The following AGBL1 variants were observed in gnomAD, a reference collection of about 807,000 sequenced individuals.
The protein encoded by AGBL1 is cytosolic carboxypeptidase 4.
Under a neutral mutation model 118.9 loss-of-function variants are expected in AGBL1, and 130 were observed. The observed-to-expected ratio is 1.09, with a 90% CI of 0.95 to 1.26. The LOEUF is 1.26. Among genes scored for constraint, AGBL1 ranks in the 50% most tolerant of loss-of-function variants. AGBL1 has a pLI of 0.00. For missense variants in AGBL1, 1,584 were observed against 1,298.1 expected (o/e 1.22, Z -3.38); for synonymous variants, 555 against 478.9 (o/e 1.16, Z -2.08).
rs185795804 is a variant in AGBL1 at position 86,104,341 on chromosome 15, G to A, written c.51+24318G>A. ...CTGTGTCATGGCCCTGCTGTTGGGTGGGTTGCTTTTAGTGGCAGCAGCCAT... is the reference window on the plus strand; with the variant it reads ...CTGTGTCATGGCCCTGCTGTTGGGTAGGTTGCTTTTAGTGGCAGCAGCCAT... On this transcript the variant is annotated intron_variant, in intron 1 of 22. Coordinates refer to ENST00000614907, the MANE Select transcript of AGBL1 (RefSeq NM_001386094.1). Among the ~76,000 whole-genome samples, 16 of 152,248 alleles carry A rather than the reference G, an allele frequency of 1.1e-4. No individual in the cohort carries two copies. The East Asian group carries it at 3.1e-3, about 29-fold the overall frequency.
In AGBL1 at chr15:86,495,399, T is replaced by TAAA. The variant is rs144325939; in HGVS notation, c.2556-27403_2556-27401dup. The stretch of plus-strand genomic sequence containing the variant: ...TTTTTAAATACCTCTATCTTTTTTT[T>TAAA]AAAAAAAAAACCTTATAAAAGAAAT... On this transcript the variant is annotated intron_variant, in intron 18 of 22. Transcript: ENST00000614907. Among the ~76,000 whole-genome samples, 616 of 147,086 alleles carry TAAA rather than the reference T, an allele frequency of 4.2e-3. 3 individuals carry two copies. Among genetic ancestry groups the TAAA allele is most frequent in the African/African-American group, 0.014 (558 of 40,256 alleles).
At chr15:86,394,725 C>T (rs28674959) in intron 17 of AGBL1, among the ~76,000 whole-genome samples, 11,176 of 152,158 alleles carry the variant, frequency 0.073, 552 homozygotes, top group African/African-American at 0.13. Context: ...GAAGGTATCA[C>T]ATCTATGTGC....
chr15:86,109,016 A>G (rs1306975973), intron 1 of AGBL1, among the ~76,000 whole-genome samples: 2 of 152,184 alleles, frequency 1.3e-5, no homozygotes, highest in Non-Finnish European at 2.9e-5. Context: ...AAGTGAGAAT[A>G]TCTATCATAT....
intron 23 of AGBL1, among the ~76,000 whole-genome samples, chr15:86,948,579 A>T (rs533239390): frequency 1.0e-3 from 152 of 152,316 alleles, no homozygotes; most frequent in African/African-American, 3.6e-3. Flanking sequence ...CACTTAGAGG[A>T]TTATGCGTGG....
At chr15:86,781,537 G>A (rs912933803) in intron 22 of AGBL1, among the ~76,000 whole-genome samples, 4 of 152,184 alleles carry the variant, frequency 2.6e-5, no homozygotes, top group Admixed American at 1.3e-4. Flanking sequence ...CTTAGAGATC[G>A]TTTTAAGACA....
At chr15:86,650,010 G>A (rs181100979) in intron 21 of AGBL1, among the ~76,000 whole-genome samples, 1 of 152,238 alleles carries the variant, frequency 6.6e-6, no homozygotes, top group Admixed American at 6.5e-5. Flanking sequence ...AAAAAAAATT[G>A]GGATAAGCTT....
At chr15:86,582,403 G>A (rs2084182890) in intron 21 of AGBL1, among the ~76,000 whole-genome samples, 1 of 152,088 alleles carries the variant, frequency 6.6e-6, no homozygotes, top group Non-Finnish European at 1.5e-5. Flanking sequence ...TTACACTGTT[G>A]GTGGGGCTAT....
At chr15:86,566,535 T>A (rs1809419611) in intron 21 of AGBL1, among the ~76,000 whole-genome samples, 1 of 152,146 alleles carries the variant, frequency 6.6e-6, no homozygotes, top group African/African-American at 2.4e-5. Context: ...ATTTTTTTTA[T>A]AGCAGGGAAC....
At chr15:87,008,969 A>C (rs2141777202) in intron 24 of AGBL1, among the ~76,000 whole-genome samples, 1 of 152,312 alleles carries the variant, frequency 6.6e-6, no homozygotes, top group African/African-American at 2.4e-5. Flanking sequence ...AGAGCATAAA[A>C]GTTTGGAAAA....
At chr15:86,570,153 G>T (rs2083982670) in intron 21 of AGBL1, among the ~76,000 whole-genome samples, 1 of 152,314 alleles carries the variant, frequency 6.6e-6, no homozygotes, top group South Asian at 2.1e-4. Context: ...AGGATATGAA[G>T]AGTTGTCATG....
chr15:86,266,786 C>T (rs932349026), intron 12 of AGBL1, among the ~76,000 whole-genome samples: 3 of 151,984 alleles, frequency 2.0e-5, no homozygotes, highest in East Asian at 1.9e-4. Flanking sequence ...CCTGTAGTCC[C>T]GCTACTCGGG....
intron 1 of AGBL1, among the ~76,000 whole-genome samples, chr15:86,131,754 G>T (rs2076822407): frequency 6.6e-6 from 1 of 151,932 alleles, no homozygotes; most frequent in African/African-American, 2.4e-5. Context: ...TTCAAGGCCA[G>T]CCTGGGCAAC....
At chr15:86,826,783 T>C (rs1168255199) in intron 22 of AGBL1, among the ~76,000 whole-genome samples, 1 of 152,074 alleles carries the variant, frequency 6.6e-6, no homozygotes, top group Non-Finnish European at 1.5e-5. Context: ...AGGCTAGATA[T>C]GACCATTGGA....
intron 21 of AGBL1, among the ~76,000 whole-genome samples, chr15:86,650,474 T>C (rs932538577): frequency 6.6e-6 from 1 of 152,220 alleles, no homozygotes; most frequent in Non-Finnish European, 1.5e-5. Flanking sequence ...GCTACTGTTA[T>C]TGTGGTTTTT....
At chr15:86,100,690 G>C (rs1896661532) in intron 1 of AGBL1, among the ~76,000 whole-genome samples, 1 of 151,944 alleles carries the variant, frequency 6.6e-6, no homozygotes, top group Admixed American at 6.6e-5. Flanking sequence ...TCGTATTTCT[G>C]TGGTATCAGT....
intron 5 of AGBL1, among the ~76,000 whole-genome samples, chr15:86,186,930 A>G (rs1212537640): frequency 1.3e-5 from 2 of 152,246 alleles, no homozygotes; most frequent in African/African-American, 4.8e-5. Context: ...CACTCTCTTC[A>G]TTATACAACA....
intron 22 of AGBL1, among the ~76,000 whole-genome samples, chr15:86,833,939 C>CA (rs1359463194): frequency 6.6e-6 from 1 of 152,018 alleles, no homozygotes; most frequent in Non-Finnish European, 1.5e-5. Context: ...CTCAGTTTCC[C>CA]AAAAAAGAAG....
chr15:86,483,742 G>T (rs953613533), intron 18 of AGBL1, among the ~76,000 whole-genome samples: 1 of 152,092 alleles, frequency 6.6e-6, no homozygotes, highest in African/African-American at 2.4e-5. Flanking sequence ...CATTTCCAAA[G>T]TGATTACAGA....
At chr15:86,292,258 G>A (rs1406631340) in intron 16 of AGBL1, among the ~76,000 whole-genome samples, 1 of 152,104 alleles carries the variant, frequency 6.6e-6, no homozygotes, top group Non-Finnish European at 1.5e-5. Context: ...GAGAATCAGA[G>A]CCAGAGAAAA....
Sources: gnomAD v4.1 joint callset for allele counts (sites outside exome capture counted in the v4.1 genomes callset) on GRCh38, gnomAD v4.1.1 for gene constraint, MANE v1.5 for transcripts, NCBI Gene and HGNC (gene_info 2026-07-23, HGNC 2026-07-21) for gene names.